Variants in CCDC122 observed in about 807,000 individuals in gnomAD.
CCDC122 encodes coiled-coil domain-containing protein 122.
Under a neutral mutation model 37.0 loss-of-function variants are expected in CCDC122, and 38 were observed. The ratio of observed to expected loss-of-function variants is 1.03; its 90% confidence interval spans 0.79 to 1.35. CCDC122 has a LOEUF of 1.35. Among genes scored for constraint, CCDC122 ranks in the 40% most tolerant of loss-of-function variants. The pLI is 0.00. For missense variants in CCDC122, 305 were observed against 310.0 expected (o/e 0.98, Z 0.12); for synonymous variants, 83 against 95.6 (o/e 0.87, Z 0.77).
At chr13:43,854,674 A>C (rs767925831) in intron 6 of CCDC122, 6 of 152,164 alleles carry the variant, frequency 3.9e-5, no homozygotes, top group Admixed American at 1.3e-4. Context: ...ACATAACAAA[A>C]AGGAAACTTC....
intron 3 of CCDC122, among the ~76,000 whole-genome samples, chr13:43,829,451 G>A (rs1002403059): frequency 2.6e-5 from 4 of 151,990 alleles, no homozygotes; most frequent in African/African-American, 9.7e-5. Flanking sequence ...GACTACAGGC[G>A]TGTGCCACTA....
At chr13:43,877,798 T>C (rs1175953899) in intron 1 of CCDC122, 15 of 152,222 alleles carry the variant, frequency 9.9e-5, no homozygotes, top group Non-Finnish European at 1.8e-4. Context: ...AACTCATACA[T>C]AGAGGTTAAA....
chr13:43,842,003 A>C (rs1953370589), intron 6 of CCDC122, among the ~76,000 whole-genome samples: 1 of 152,218 alleles, frequency 6.6e-6, no homozygotes. Flanking sequence ...CACTGTGCCC[A>C]GCCCTTTTCA....
chr13:43,837,267 C>T lies in CCDC122; in HGVS notation c.*13G>A. On this transcript the variant is annotated 3_prime_UTR_variant, in exon 7 of 7. Coordinates refer to ENST00000444614, the MANE Select transcript of CCDC122 (RefSeq NM_144974.5). ...TTGTCATGGTCTGTGTTCCACATTG[C>T]CCTATGGCAATGTTACTCTTGCATT... 7 of 1,611,554 alleles carry T rather than the reference C, an allele frequency of 4.3e-6. No homozygotes were observed. Among genetic ancestry groups the T allele is most frequent in the Non-Finnish European group, 5.1e-6 (6 of 1,178,916 alleles).
At chr13:43,830,471 T>A (rs530653581) in intron 3 of CCDC122, among the ~76,000 whole-genome samples, 1 of 152,080 alleles carries the variant, frequency 6.6e-6, no homozygotes, top group Non-Finnish European at 1.5e-5. Context: ...GAAGCAAGAC[T>A]GGTAAGGAGA....
rs143833166 is a variant in CCDC122 at position 43,841,847 on chromosome 13, A to C, written c.673-4418T>G. On this transcript the variant is annotated intron_variant, in intron 6 of 6. Transcript: ENST00000444614. ...CACCTCAGCCTCCTGAGTAGCTGGGACCACAGGTGTGCGCCATCACACTGA... is the reference window on the plus strand; with the variant it reads ...CACCTCAGCCTCCTGAGTAGCTGGGCCCACAGGTGTGCGCCATCACACTGA... Among the ~76,000 whole-genome samples, 30 of 152,180 alleles carry C rather than the reference A, an allele frequency of 2.0e-4. No individual in the cohort carries two copies. The East Asian group carries it at 4.1e-3, about 21-fold the overall frequency.
At chr13:43,865,416 G>A (rs111787619) in intron 4 of CCDC122, among the ~76,000 whole-genome samples, 68 of 152,120 alleles carry the variant, frequency 4.5e-4, no homozygotes, top group African/African-American at 1.5e-3. Context: ...CAAGACCTCC[G>A]TGGACGTCTG....
At chr13:43,877,227 G>A (rs1208002237) in intron 1 of CCDC122, among the ~76,000 whole-genome samples, 10 of 152,132 alleles carry the variant, frequency 6.6e-5, no homozygotes, top group African/African-American at 2.4e-5. Flanking sequence ...TTATGGGTAC[G>A]GTTTATGCAA....
chr13:43,864,659 A>T (rs1385499991), intron 4 of CCDC122, among the ~76,000 whole-genome samples: 4 of 152,118 alleles, frequency 2.6e-5, no homozygotes, highest in Admixed American at 1.3e-4. Context: ...TGCCTCCATG[A>T]CCCAAACACC....
At chr13:43,869,021 G>A (rs540491832) in intron 3 of CCDC122, among the ~76,000 whole-genome samples, 53 of 151,920 alleles carry the variant, frequency 3.5e-4, no homozygotes, top group Non-Finnish European at 6.3e-4. Flanking sequence ...TGTCATACCC[G>A]TTCCTCTACG....
downstream of CCDC122, among the ~76,000 whole-genome samples, chr13:43,835,338 A>G (rs956298604): frequency 6.6e-6 from 1 of 152,164 alleles, no homozygotes; most frequent in African/African-American, 2.4e-5. Flanking sequence ...GAGGGATAGT[A>G]TTAGGAGATA....
At chr13:43,869,717 A>AAAGT (rs142461190) in intron 2 of CCDC122, among the ~76,000 whole-genome samples, 5,362 of 152,138 alleles carry the variant, frequency 0.035, 294 homozygotes, top group African/African-American at 0.12. Context: ...TCTAATAATT[A>AAAGT]AAGTAATATA....
intron 1 of CCDC122, among the ~76,000 whole-genome samples, chr13:43,879,050 C>G (rs1052066749): frequency 1.3e-5 from 2 of 152,166 alleles, no homozygotes; most frequent in Non-Finnish European, 2.9e-5. Flanking sequence ...AACCCAGCGT[C>G]CTGACCACAC....
At chr13:43,822,295 C>A (rs9533632), downstream of CCDC122, among the ~76,000 whole-genome samples, 37 of 152,134 alleles carry the variant, frequency 2.4e-4, no homozygotes, top group Non-Finnish European at 7.3e-5. Context: ...CTCACTTTCC[C>A]GCAAATGGAG....
intron 6 of CCDC122, among the ~76,000 whole-genome samples, chr13:43,841,589 CTG>C (rs1236475520): frequency 6.6e-6 from 1 of 152,148 alleles, no homozygotes; most frequent in Non-Finnish European, 1.5e-5. Flanking sequence ...AAAAAAATGA[CTG>C]TATGACTTTA....
intron 6 of CCDC122, among the ~76,000 whole-genome samples, chr13:43,848,194 T>A (rs1953607292): frequency 6.6e-6 from 1 of 152,264 alleles, no homozygotes. Context: ...AAATTAAATA[T>A]GCTTTGTTCA....
downstream of CCDC122, among the ~76,000 whole-genome samples, chr13:43,822,664 T>G (rs78473038): frequency 2.8e-4 from 43 of 152,294 alleles, no homozygotes; most frequent in East Asian, 8.3e-3. Flanking sequence ...TACAAAGCCT[T>G]TCCCACTCTT....
At chr13:43,867,844 T>C (rs1440300710) in intron 4 of CCDC122, among the ~76,000 whole-genome samples, 1 of 152,150 alleles carries the variant, frequency 6.6e-6, no homozygotes, top group African/African-American at 2.4e-5. Context: ...AAGAAATCCA[T>C]ATCACCATGA....
At chr13:43,823,513 G>A (rs994898319), downstream of CCDC122, among the ~76,000 whole-genome samples, 2 of 152,154 alleles carry the variant, frequency 1.3e-5, no homozygotes, top group African/African-American at 4.8e-5. Flanking sequence ...AGCACTAGGC[G>A]TTGCCTAGGA....
Sources: allele counts gnomAD v4.1 joint callset (sites outside exome capture counted in the v4.1 genomes callset), GRCh38; gene constraint gnomAD v4.1.1; transcripts MANE v1.5; gene names NCBI Gene and HGNC (gene_info 2026-07-23, HGNC 2026-07-21).